The following KIF3C variants were observed in gnomAD, a reference collection of about 807,000 sequenced individuals.
KIF3C encodes the protein kinesin family member 3C.
In KIF3C, 12 loss-of-function variants were observed where a neutral mutation model predicts 67.7. That is an observed-to-expected ratio of 0.18 (90% CI 0.11 to 0.29). The LOEUF (loss-of-function observed/expected upper bound fraction) is 0.29. Ranked by LOEUF, KIF3C falls within the 10% of genes least tolerant of loss-of-function variation. The pLI, the probability that KIF3C is intolerant of heterozygous loss-of-function variation, is 1.00. For synonymous variants in KIF3C, 393 were observed against 426.2 expected, an observed-to-expected ratio of 0.92 and a Z score of 0.96; for missense variants, 789 against 1,059.6, an observed-to-expected ratio of 0.74 and a Z score of 3.55.
At chr2:25,936,215 A>AT (rs1363672996) in intron 5 of KIF3C, among the ~76,000 whole-genome samples, 1 of 152,148 alleles carries the variant, frequency 6.6e-6, no homozygotes, top group Non-Finnish European at 1.5e-5. Context: ...GTATTTTTAA[A>AT]TTTTTTGTAG....
intron 5 of KIF3C, among the ~76,000 whole-genome samples, chr2:25,932,194 G>C (rs906055259): frequency 6.6e-6 from 1 of 151,540 alleles, no homozygotes; most frequent in Non-Finnish European, 1.5e-5. Flanking sequence ...TAGAGACGGG[G>C]TTTCACCATG....
At chr2:25,945,162 C>T (rs1663397885) in intron 5 of KIF3C, among the ~76,000 whole-genome samples, 1 of 151,786 alleles carries the variant, frequency 6.6e-6, no homozygotes, top group African/African-American at 2.4e-5. Context: ...GGAACACTGT[C>T]CAATTGGTAT....
chr2:25,951,954 C>T, intron 4 of KIF3C, 49 bp from the exon 5 acceptor site: 1 of 1,252,868 alleles, frequency 8.0e-7, no homozygotes, highest in Non-Finnish European at 1.2e-6. Flanking sequence ...AGCGAGAGAC[C>T]ACGTGGTGCA....
At position 25,958,015 on chromosome 2, in the gene KIF3C, G is replaced by A. The variant is rs965421819; in HGVS notation, c.1546-1571C>T. Among the ~76,000 whole-genome samples the A allele has an allele frequency of 6.6e-6, 1 of 152,190 alleles. No individual in the cohort carries two copies. Among genetic ancestry groups the A allele is most frequent in the Non-Finnish European group, 1.5e-5 (1 of 68,020 alleles). ...GGTCAGCATTTGCAGGACCATGAGA[G>A]GGAAGAATCCCTTACACTGCATCCT... On this transcript the variant is annotated intron_variant, in intron 1 of 7. Transcript: ENST00000264712. The surrounding 1 kb of genome is among the most constrained non-coding windows in gnomAD (Gnocchi z 4.5).
chr2:25,961,794 G>A (rs190444391), intron 1 of KIF3C, among the ~76,000 whole-genome samples: 5 of 152,102 alleles, frequency 3.3e-5, no homozygotes, highest in Non-Finnish European at 5.9e-5. Flanking sequence ...TCAAGAGAAG[G>A]GAGGCTTAGG....
chr2:25,954,253 G>C lies in KIF3C; in HGVS notation c.1889+14C>G. The C allele has an allele frequency of 1.3e-6, 2 of 1,595,978 alleles. No individual in the cohort carries two copies. Among genetic ancestry groups the C allele is most frequent in the Non-Finnish European group, 1.7e-6 (2 of 1,163,386 alleles). On this transcript the variant is annotated intron_variant, in intron 4 of 7. Transcript: ENST00000264712. ...GCTGTGGGGACCCGGGATGAAAAGAGCTGCGGGCCCTACTTGAGCTTGAGT... is the reference window on the plus strand; with the variant it reads ...GCTGTGGGGACCCGGGATGAAAAGACCTGCGGGCCCTACTTGAGCTTGAGT...
At chr2:25,934,171 G>T in intron 5 of KIF3C, 1 of 471,004 alleles carries the variant, frequency 2.1e-6, no homozygotes, top group Non-Finnish European at 4.4e-6. Flanking sequence ...AATAGGTAAA[G>T]CCATAGAAAC....
At chr2:25,947,305 G>A (rs903024995) in intron 5 of KIF3C, among the ~76,000 whole-genome samples, 4 of 152,104 alleles carry the variant, frequency 2.6e-5, no homozygotes, top group Admixed American at 6.6e-5. Context: ...ACAGGGGCCC[G>A]ACGCAGTGGC....
Position 25,980,578 on chromosome 2 carries a change from G to C in KIF3C, c.1340C>G (p.Pro447Arg). 2.5e-6 allele frequency: 4 copies of C among 1,614,130 alleles called. No individual in the cohort carries two copies. Among genetic ancestry groups the C allele is most frequent in the Non-Finnish European group, 2.5e-6 (3 of 1,180,028 alleles). The change falls in exon 1 of 8, where the codon CCC (proline) becomes CGC (arginine). Residue 447 changes from proline (P) to arginine (R), a missense_variant. Around this residue, in one of 2 missense-constraint regions of KIF3C, gnomAD observed 648 missense variants for 807.8 expected, o/e 0.80. Coordinates refer to ENST00000264712, the MANE Select transcript of KIF3C (RefSeq NM_002254.8). The surrounding 1 kb of genome is among the most constrained non-coding windows in gnomAD (Gnocchi z 7.6). ...DNNNNHRPPQ[P>R]ILESALEKNM... ...CTTCTCCAAGGCTGACTCCAGGATG[G>C]GCTGGGGCGGGCGGTGGTTGTTGTT...
intron 1 of KIF3C, among the ~76,000 whole-genome samples, chr2:25,976,966 G>A (rs1048768908): frequency 6.6e-6 from 1 of 152,134 alleles, no homozygotes; most frequent in African/African-American, 2.4e-5. Context: ...GGTCTGTGAT[G>A]TTACCTATTC....
intron 5 of KIF3C, among the ~76,000 whole-genome samples, chr2:25,951,216 C>T (rs1663602649): frequency 6.6e-6 from 1 of 152,092 alleles, no homozygotes; most frequent in South Asian, 2.1e-4. Flanking sequence ...CAGCCAATGG[C>T]CGCAGCTGCA....
intron 5 of KIF3C, among the ~76,000 whole-genome samples, chr2:25,940,899 C>T (rs889167152): frequency 3.9e-5 from 6 of 151,962 alleles, no homozygotes; most frequent in Admixed American, 2.6e-4. Context: ...GTTATCTGCC[C>T]GTCTCAGCCT....
chr2:25,964,287 C>T (rs1249030915), intron 1 of KIF3C, among the ~76,000 whole-genome samples: 1 of 152,044 alleles, frequency 6.6e-6, no homozygotes, highest in African/African-American at 2.4e-5. Flanking sequence ...GAGCAAGACT[C>T]TGTCTCAAAA....
chr2:25,974,109 C>T (rs1664350818), intron 1 of KIF3C, among the ~76,000 whole-genome samples: 2 of 152,136 alleles, frequency 1.3e-5, no homozygotes, highest in Non-Finnish European at 2.9e-5. Flanking sequence ...CTCACTCTGT[C>T]ACCAGGCTGG....
rs1013179554 is a variant in KIF3C, at chr2:25,941,243, G to T, written c.2006+10546C>A. Among the ~76,000 whole-genome samples, 4 of 152,276 alleles carry T rather than the reference G, an allele frequency of 2.6e-5. No homozygotes were observed. In the South Asian group the frequency reaches 6.2e-4, roughly 24 times the overall value. Reference sequence around the variant, plus strand: ...CACTTGAGCCCAGAAGGTCAAGGCTGTAGTGAGCCATGATTGTGCCACTGC... The same window carrying T: ...CACTTGAGCCCAGAAGGTCAAGGCTTTAGTGAGCCATGATTGTGCCACTGC... On this transcript the variant is annotated intron_variant, in intron 5 of 7. Transcript: ENST00000264712.
intron 5 of KIF3C, among the ~76,000 whole-genome samples, chr2:25,939,808 G>C (rs1476342885): frequency 6.6e-6 from 1 of 151,862 alleles, no homozygotes; most frequent in African/African-American, 2.4e-5. Flanking sequence ...AAATTAGCTG[G>C]GCATGGTGGT....
chr2:25,974,056 G>A (rs12105041), intron 1 of KIF3C, among the ~76,000 whole-genome samples: 115,985 of 152,158 alleles, frequency 0.76, 45,462 homozygotes, highest in East Asian at 0.95. Context: ...CTTTATGTTC[G>A]TTCTCTTGTT....
At chr2:25,960,649 A>G (rs1272778852) in intron 1 of KIF3C, among the ~76,000 whole-genome samples, 1 of 152,168 alleles carries the variant, frequency 6.6e-6, no homozygotes, top group Non-Finnish European at 1.5e-5. Flanking sequence ...ATTTAAATGG[A>G]GATCCAGCTG....
chr2:25,951,616 G>C, intron 5 of KIF3C, 173 bp downstream of exon 5: 1 of 566,744 alleles, frequency 1.8e-6, no homozygotes, highest in Non-Finnish European at 3.2e-6. Context: ...CCATCATAGA[G>C]ACCCCTACAA....
Sources: allele counts gnomAD v4.1 joint callset (sites outside exome capture counted in the v4.1 genomes callset), GRCh38; gene constraint gnomAD v4.1.1; regional missense constraint gnomAD v4.1.1; non-coding constraint Gnocchi (gnomAD v3.1); transcripts MANE v1.5; gene names NCBI Gene and HGNC (gene_info 2026-07-23, HGNC 2026-07-21).